Variants in PXDN observed in about 807,000 individuals in gnomAD.
The protein encoded by PXDN is peroxidasin homolog.
A neutral mutation model predicts 140.3 loss-of-function variants in PXDN; 77 were observed. The ratio of observed to expected loss-of-function variants is 0.55; its 90% CI spans 0.46 to 0.66. The LOEUF is 0.66. Among genes scored for constraint, PXDN ranks in the 30% least tolerant of loss-of-function variants. The pLI is 0.00. For synonymous variants in PXDN, 911 were observed against 857.4 expected, an observed-to-expected ratio of 1.06 and a Z score of -1.09; for missense variants, 1,838 against 2,039.5, an observed-to-expected ratio of 0.90 and a Z score of 1.90.
intron 1 of PXDN, among the ~76,000 whole-genome samples, chr2:1,715,773 C>T (rs1253336124): frequency 6.6e-6 from 1 of 152,184 alleles, no homozygotes; most frequent in Non-Finnish European, 1.5e-5. Context: ...GGCCTCACCT[C>T]CCTGCCCAGC....
intron 1 of PXDN, among the ~76,000 whole-genome samples, chr2:1,739,457 C>T (rs957541563): frequency 1.6e-4 from 25 of 152,114 alleles, no homozygotes; most frequent in Non-Finnish European, 3.5e-4. Context: ...ACAACTATTT[C>T]CTTGACATAT....
Position 1,654,453 on chromosome 2 carries a change from C to G in PXDN, c.1893G>C (p.Ala631=), listed in dbSNP as rs375951000. 31 of 1,613,690 alleles carry G rather than the reference C, an allele frequency of 1.9e-5. No homozygotes were observed. In the African/African-American group the frequency reaches 4.1e-4, roughly 22 times the overall value. Residue 631 remains alanine (A), a synonymous_variant, in exon 15 of 23, where the codon GCG becomes GCC. Coordinates refer to ENST00000252804, the MANE Select transcript of PXDN (RefSeq NM_012293.3). ...TTATAGCTCTGTCAACAGTCGCAAT[C>G]GCTTCCACGATGGAGGTAGCTACAA... ...DPFVATSIVE[A]IATVDRAINS...
rs202202761 is a variant in PXDN, at chr2:1,663,633, G to A, written c.1539C>T (p.Val513=). Residue 513 remains valine (V), a synonymous_variant, in exon 12 of 23, where the codon GTC becomes GTT. Coordinates refer to ENST00000252804, the MANE Select transcript of PXDN (RefSeq NM_012293.3). ...QAVNIIGSQK[V]VAHLTVQPRV... ...TGGGCTGCACAGTCAGGTGGGCCAC[G>A]ACCTTCTGGGAGCCGATGATGTTGA... 108 of 1,613,868 alleles carry A rather than the reference G, an allele frequency of 6.7e-5. No individual in the cohort carries two copies. The highest frequency in any genetic ancestry group is 5.3e-5 in the Non-Finnish European group (62 of 1,179,908).
chr2:1,676,873 C>T (rs928443963), intron 8 of PXDN, 54 bp downstream of exon 8: 1 of 1,526,424 alleles, frequency 6.6e-7, no homozygotes, highest in Non-Finnish European at 8.9e-7. Context: ...GTTTGGGTGT[C>T]TGAGTGTAAC....
intron 1 of PXDN, 65 bp downstream of exon 1, chr2:1,744,191 C>A: frequency 7.1e-7 from 1 of 1,408,256 alleles, no homozygotes; most frequent in Non-Finnish European, 9.3e-7. Context: ...TCCGATCACC[C>A]CTGCGCTCCC....
intron 1 of PXDN, among the ~76,000 whole-genome samples, chr2:1,707,853 T>C (rs1684655520): frequency 6.6e-6 from 1 of 151,928 alleles, no homozygotes; most frequent in Non-Finnish European, 1.5e-5. Flanking sequence ...AGAATCACCA[T>C]TTAAGAGGAG....
At chr2:1,726,746 G>A (rs936439889) in intron 1 of PXDN, among the ~76,000 whole-genome samples, 1 of 151,892 alleles carries the variant, frequency 6.6e-6, no homozygotes, top group Non-Finnish European at 1.5e-5. Flanking sequence ...CAACCTATAG[G>A]GTGCCTTTTC....
In PXDN at chr2:1,651,476, C is replaced by A. The variant is rs1275371415; in HGVS notation, c.2105-1801G>T. Among the ~76,000 whole-genome samples, 1 of 152,212 alleles carries A rather than the reference C, an allele frequency of 6.6e-6. No homozygotes were observed. Among genetic ancestry groups the A allele is most frequent in the Non-Finnish European group, 1.5e-5 (1 of 68,034 alleles). On this transcript the variant is annotated intron_variant, in intron 16 of 22. Transcript: ENST00000252804. The surrounding 1 kb of genome is among the most constrained non-coding windows in gnomAD (Gnocchi z 4.4). Reference sequence around the variant, plus strand: ...AACCATGTTGCTTCTCTGCAGGAAACCCTAAGGTTCCCATTTCATACACAG... The same window carrying A: ...AACCATGTTGCTTCTCTGCAGGAAAACCTAAGGTTCCCATTTCATACACAG...
In PXDN at chr2:1,653,644, G is replaced by T; in HGVS notation, c.2088C>A (p.Val696=). The change falls in exon 16 of 23, where the codon GTC becomes GTA. Residue 696 remains valine, a synonymous_variant. Transcript: ENST00000252804. ...GGCACTGACTTGTTCCGTTGAGGTCGACCATCAAGCCATGCTGTACATGCT... is the reference window on the plus strand; with the variant it reads ...GGCACTGACTTGTTCCGTTGAGGTCTACCATCAAGCCATGCTGTACATGCT... ...IQEHVQHGLM[V]DLNGTSYHYN... is the part of the protein sequence containing the mutation. 1 of 1,612,726 alleles carries T rather than the reference G, an allele frequency of 6.2e-7. No homozygotes were observed. Among genetic ancestry groups the T allele is most frequent in the South Asian group, 1.1e-5 (1 of 90,442 alleles).
Position 1,649,837 on chromosome 2 carries a change from A to G in PXDN, c.2105-162T>C, listed in dbSNP as rs549511785. ...AGCGCTTCCTGCTGGAAACCTGCTC[A>G]CCTCCTGTTTGGTAAAACTGCTCCT... On this transcript the variant is annotated intron_variant, in intron 16 of 22. Coordinates refer to ENST00000252804, the MANE Select transcript of PXDN (RefSeq NM_012293.3). This position sits in a 1 kb window ranked among gnomAD's most constrained non-coding sequence, Gnocchi z 7.1. 1.1e-4 allele frequency among the ~76,000 whole-genome samples: 16 copies of G among 151,816 alleles called. No individual in the cohort carries two copies. Among genetic ancestry groups the G allele is most frequent in the African/African-American group, 3.6e-4 (15 of 41,384 alleles).
chr2:1,719,834 TTGTGTGTG>T lies in PXDN; in HGVS notation c.200+24414_200+24421del, dbSNP rs36227356. 1.7e-3 allele frequency among the ~76,000 whole-genome samples: 179 copies of T among 108,334 alleles called. 2 individuals carry two copies. Among genetic ancestry groups the T allele is most frequent in the South Asian group, 3.2e-3 (9 of 2,852 alleles). 71.1% of individuals were successfully genotyped at this position (108,334 alleles called of 152,430 possible). On this transcript the variant is annotated intron_variant, in intron 1 of 22. Coordinates refer to ENST00000252804, the MANE Select transcript of PXDN (RefSeq NM_012293.3). ...CACAGGATGTGTGTACATGCGTGCA[TTGTGTGTG>T]TGTGTGTGTGTGTGTGTGTGTGTGT... is the stretch of plus-strand genomic sequence containing the variant.
At chr2:1,637,090 T>C (rs12714342) in intron 21 of PXDN, 130,057 of 151,978 alleles carry the variant, frequency 0.86, 56,383 homozygotes, top group East Asian at 1. Context: ...TGGGAGGGCA[T>C]AGGGCGTTGG....
At position 1,726,128 on chromosome 2, in the gene PXDN, C is replaced by T. The variant is rs1187697234; in HGVS notation, c.200+18128G>A. ...ATGCTGCTATAAAGACACATACACA[C>T]GTATGTTTATTGCGGCACTATTCAC... On this transcript the variant is annotated intron_variant, in intron 1 of 22. Coordinates refer to ENST00000252804, the MANE Select transcript of PXDN (RefSeq NM_012293.3). Among the ~76,000 whole-genome samples, 5 of 151,994 alleles carry T rather than the reference C, an allele frequency of 3.3e-5. No individual in the cohort carries two copies. In the South Asian group the frequency reaches 6.2e-4, roughly 19 times the overall value.
chr2:1,698,625 G>C lies in PXDN; in HGVS notation c.201-5491C>G, dbSNP rs190737871. ...AGTGGCAGAACTAGAAATGCAATTA[G>C]AGTCGGCCCAGGGCTCTTTTCTCAG... is the stretch of plus-strand genomic sequence containing the variant. On this transcript the variant is annotated intron_variant, in intron 1 of 22. Coordinates refer to ENST00000252804, the MANE Select transcript of PXDN (RefSeq NM_012293.3). 3.6e-3 allele frequency among the ~76,000 whole-genome samples: 535 copies of C among 147,644 alleles called. 2 individuals are homozygous for C. The highest frequency in any genetic ancestry group is 0.013 in the African/African-American group (492 of 38,046).
Position 1,663,699 on chromosome 2 carries a change from A to G in PXDN, c.1473T>C (p.Gly491=), listed in dbSNP as rs373445371. The change falls in exon 12 of 23, where the codon GGT becomes GGC. Residue 491 remains glycine (G), a synonymous_variant. Coordinates refer to ENST00000252804, the MANE Select transcript of PXDN (RefSeq NM_012293.3). ...ACTGGCCCTGGTCGTGGAGGGCAAC[A>G]CCAGAGATTCTAAGTGTTCCCGATG... ...VLSSGTLRIS[G]VALHDQGQYE... 1.9e-6 allele frequency: 3 copies of G among 1,613,818 alleles called. No individual in the cohort carries two copies. The African/African-American group carries it at 4.0e-5, about 22-fold the overall frequency.
chr2:1,684,095 G>T lies in PXDN; in HGVS notation c.473C>A (p.Pro158Gln), dbSNP rs895121948. ...CACAACTCACAGCCTCTCGAGCTTC[G>T]GGAGATGCTGGAACGAATCTGGGTC... is the stretch of plus-strand genomic sequence containing the variant. ...TLDPDSFQHL[P>Q]KLERLFLHNN... Residue 158 changes from proline to glutamine, a missense_variant, in exon 5 of 23, where the codon CCG becomes CAG. By Grantham distance (76) the Pro-to-Gln change is moderately conservative. Transcript: ENST00000252804. 2 of 1,585,108 alleles carry T rather than the reference G, an allele frequency of 1.3e-6. No individual in the cohort carries two copies. Among genetic ancestry groups the T allele is most frequent in the East Asian group, 2.3e-5 (1 of 43,640 alleles).
chr2:1,691,232 A>G (rs907581174), intron 3 of PXDN, among the ~76,000 whole-genome samples: 2 of 152,180 alleles, frequency 1.3e-5, no homozygotes, highest in Admixed American at 6.5e-5. Flanking sequence ...TTAAAAGAAT[A>G]CTCTTCTAAA....
chr2:1,634,828 C>T (rs928329133), intron 22 of PXDN, among the ~76,000 whole-genome samples: 1 of 152,214 alleles, frequency 6.6e-6, no homozygotes, highest in Non-Finnish European at 1.5e-5. Flanking sequence ...CCCGGGCTGG[C>T]GCGCTGTCCT....
intron 17 of PXDN, among the ~76,000 whole-genome samples, chr2:1,646,475 G>C (rs1682852852): frequency 6.6e-6 from 1 of 152,136 alleles, no homozygotes; most frequent in Non-Finnish European, 1.5e-5. Context: ...TCCTAATTCA[G>C]CAAAACCATG....
Sources: allele counts gnomAD v4.1 joint callset (sites outside exome capture counted in the v4.1 genomes callset), GRCh38; gene constraint gnomAD v4.1.1; non-coding constraint Gnocchi (gnomAD v3.1); transcripts MANE v1.5; gene names NCBI Gene and HGNC (gene_info 2026-07-23, HGNC 2026-07-21).